The following ABCA3 variants were observed in gnomAD, a reference collection of about 807,000 sequenced individuals.
ABCA3 encodes phospholipid-transporting ATPase ABCA3.
In ABCA3, 88 loss-of-function variants were observed where a neutral mutation model predicts 172.8. The ratio of observed to expected loss-of-function variants is 0.51; its 90% CI spans 0.43 to 0.61. ABCA3 has a LOEUF of 0.61. Among genes scored for constraint, ABCA3 ranks in the 20% least tolerant of loss-of-function variants. ABCA3 has a pLI of 0.00. For missense variants in ABCA3, 2,164 were observed against 2,301.0 expected (o/e 0.94, Z 1.22); for synonymous variants, 1,066 against 983.8 (o/e 1.08, Z -1.56).
Position 2,286,995 on chromosome 16 carries a change from C to G in ABCA3, c.3005-28G>C, listed in dbSNP as rs772765845. On this transcript the variant is annotated intron_variant, in intron 21 of 32. Transcript: ENST00000301732. This position sits in a 1 kb window ranked among gnomAD's most constrained non-coding sequence, Gnocchi z 5.2. Reference sequence around the variant, plus strand: ...GGGGAGCAATGGCAGAGTCAGGGGACACAGGAAGAGGTGACACCTGGGCAC... The same window carrying G: ...GGGGAGCAATGGCAGAGTCAGGGGAGACAGGAAGAGGTGACACCTGGGCAC... 6.2e-7 allele frequency: 1 copy of G among 1,606,672 alleles called. No individual in the cohort carries two copies. The highest frequency in any genetic ancestry group is 1.1e-5 in the South Asian group (1 of 90,204).
rs753832074 is a variant in ABCA3 at position 2,277,837 on chromosome 16, C to A, written c.4909+42G>T. The A allele has an allele frequency of 1.2e-6, 2 of 1,605,944 alleles. No individual in the cohort carries two copies. The highest frequency in any genetic ancestry group is 1.1e-5 in the South Asian group (1 of 90,566). ...CAGATGGGAGAGGCCTAGGTAGGGG[C>A]CCAGGGCCCACCCAGTGGGGGCTGC... On this transcript the variant is annotated intron_variant, in intron 31 of 32. Coordinates refer to ENST00000301732, the MANE Select transcript of ABCA3 (RefSeq NM_001089.3). This position sits in a 1 kb window ranked among gnomAD's most constrained non-coding sequence, Gnocchi z 5.3.
In ABCA3 at chr16:2,281,693, G is replaced by A. The variant is rs1352226580; in HGVS notation, c.4036-184C>T. Among the ~76,000 whole-genome samples, 2 of 152,164 alleles carry A rather than the reference G, an allele frequency of 1.3e-5. No homozygotes were observed. The highest frequency in any genetic ancestry group is 2.9e-5 in the Non-Finnish European group (2 of 68,030). The stretch of plus-strand genomic sequence containing the variant: ...TTACTAGAAGACACAGTGGTCTTAC[G>A]GGGCTAAACTAGCATCCAGGAGACA... On this transcript the variant is annotated intron_variant, in intron 26 of 32. Transcript: ENST00000301732. This position sits in a 1 kb window ranked among gnomAD's most constrained non-coding sequence, Gnocchi z 4.7.
At position 2,278,325 on chromosome 16, in the gene ABCA3, G is replaced by A. The variant is rs780852398; in HGVS notation, c.4681C>T (p.Arg1561Ter). The A allele has an allele frequency of 5.0e-6, 8 of 1,610,646 alleles. No individual in the cohort carries two copies. The highest frequency in any genetic ancestry group is 5.1e-6 in the Non-Finnish European group (6 of 1,179,970). The change falls in exon 30 of 33, where the codon CGA (arginine) becomes TGA (stop). Residue 1561 changes from arginine (R) to a stop codon, truncating the protein, a stop_gained. Coordinates refer to ENST00000301732, the MANE Select transcript of ABCA3 (RefSeq NM_001089.3). LOFTEE classifies it high-confidence loss of function. The surrounding 1 kb of genome is among the most constrained non-coding windows in gnomAD (Gnocchi z 4.4). ...RLLWDTVARA[R>*]ESGKAIIITS... ...ATGATGATGGCCTTGCCAGACTCTC[G>A]GGCTCGTGCCACGGTGTCCCAAAGC...
At chr16:2,322,357 T>C (rs1444835673) in intron 7 of ABCA3, among the ~76,000 whole-genome samples, 1 of 152,018 alleles carries the variant, frequency 6.6e-6, no homozygotes, top group African/African-American at 2.4e-5. Context: ...CAAGAGTAAA[T>C]GTTCCTGAAA....
In ABCA3 at chr16:2,333,442, C is replaced by T. The variant is rs543348309; in HGVS notation, c.-538-3588G>A. Among the ~76,000 whole-genome samples the T allele has an allele frequency of 2.6e-5, 4 of 152,308 alleles. 1 individual carries two copies. In the South Asian group the frequency reaches 8.3e-4, roughly 32 times the overall value. On this transcript the variant is annotated intron_variant, in intron 1 of 32. Coordinates refer to ENST00000301732, the MANE Select transcript of ABCA3 (RefSeq NM_001089.3). ...GGTGCTGGTCACATTTGGTGCTTTT[C>T]CTTCAGGGGAGGACCCAACATCCCA...
intron 3 of ABCA3, among the ~76,000 whole-genome samples, chr16:2,327,861 C>T (rs2093736883): frequency 6.6e-6 from 1 of 152,182 alleles, no homozygotes; most frequent in Non-Finnish European, 1.5e-5. Context: ...ACTGGGATTA[C>T]AGGCGCCTGC....
At chr16:2,332,732 G>A in intron 1 of ABCA3, 1 of 1,176,750 alleles carries the variant, frequency 8.5e-7, no homozygotes, top group Non-Finnish European at 1.2e-6. Context: ...CGCACCGATT[G>A]CCTCCTCCAT....
chr16:2,327,169 C>A (rs769640339), intron 3 of ABCA3, among the ~76,000 whole-genome samples: 1 of 152,050 alleles, frequency 6.6e-6, no homozygotes, highest in South Asian at 2.1e-4. Context: ...GGCTGGAGTG[C>A]CATGGTGCGA....
intron 11 of ABCA3, among the ~76,000 whole-genome samples, chr16:2,307,246 A>G (rs916662938): frequency 1.3e-5 from 2 of 152,040 alleles, no homozygotes; most frequent in Non-Finnish European, 2.9e-5. Flanking sequence ...TACCAAGAGC[A>G]GTGGTTGATG....
At chr16:2,327,852 C>A (rs1034902663) in intron 3 of ABCA3, among the ~76,000 whole-genome samples, 2 of 152,192 alleles carry the variant, frequency 1.3e-5, no homozygotes, top group Non-Finnish European at 2.9e-5. Context: ...TCCTGAGTAA[C>A]TGGGATTACA....
At chr16:2,289,114 T>G (rs529506217) in intron 20 of ABCA3, 1 of 380,424 alleles carries the variant, frequency 2.6e-6, no homozygotes, top group South Asian at 3.4e-5. Context: ...GTTTCCCATC[T>G]GTGAACCGAG....
At chr16:2,328,282 C>T (rs1261294150) in intron 3 of ABCA3, among the ~76,000 whole-genome samples, 171 bp downstream of exon 3, 1 of 152,050 alleles carries the variant, frequency 6.6e-6, no homozygotes, top group Non-Finnish European at 1.5e-5. Context: ...GTAAACCCAG[C>T]ACTTTGGGAG....
At chr16:2,299,653 T>C in intron 13 of ABCA3, 121 bp from the exon 14 acceptor site, 1 of 1,499,492 alleles carries the variant, frequency 6.7e-7, no homozygotes, top group Non-Finnish European at 9.2e-7. Context: ...ACCATCAGTG[T>C]GCAGAGGGGA....
chr16:2,281,427 G>A lies in ABCA3; in HGVS notation c.4118C>T (p.Pro1373Leu), dbSNP rs762214425. The A allele has an allele frequency of 1.2e-5, 19 of 1,613,658 alleles. No homozygotes were observed. The East Asian group carries it at 1.8e-4, about 15-fold the overall frequency. The change falls in exon 27 of 33, where the codon CCG becomes CTG. Residue 1373 changes from proline (P) to leucine (L), a missense_variant. Physicochemically the swap from Pro to Leu is moderately conservative, Grantham distance 98. Coordinates refer to ENST00000301732, the MANE Select transcript of ABCA3 (RefSeq NM_001089.3). This position sits in a 1 kb window ranked among gnomAD's most constrained non-coding sequence, Gnocchi z 4.7. ...DERTRILAPS[P>L]DSLLHTPLII... is the part of the protein sequence containing the mutation. Reference sequence around the variant, plus strand: ...CAGAGGTGTGTGGAGCAGGGAGTCCGGACTGGGGGCCAGGATGCGGGTCCT... The same window carrying A: ...CAGAGGTGTGTGGAGCAGGGAGTCCAGACTGGGGGCCAGGATGCGGGTCCT...
At chr16:2,339,284 C>T (rs1363902354) in intron 1 of ABCA3, 3 of 152,168 alleles carry the variant, frequency 2.0e-5, no homozygotes, top group African/African-American at 7.2e-5. Context: ...TTAGAAACAA[C>T]TCGTGCTACC....
rs940226677 is a variant in ABCA3 at position 2,285,246 on chromosome 16, A to G, written c.3483+196T>C. On this transcript the variant is annotated intron_variant, in intron 23 of 32. Transcript: ENST00000301732. This position sits in a 1 kb window ranked among gnomAD's most constrained non-coding sequence, Gnocchi z 4.7. ...AGGATGGCTGCTCCGGGTGCTGCCC[A>G]TGCATGGAGGGTAAAGGCTGAGGGT... is the stretch of plus-strand genomic sequence containing the variant. 2.0e-5 allele frequency among the ~76,000 whole-genome samples: 3 copies of G among 152,088 alleles called. No individual in the cohort carries two copies. Among genetic ancestry groups the G allele is most frequent in the Admixed American group, 1.3e-4 (2 of 15,284 alleles).
intron 12 of ABCA3, among the ~76,000 whole-genome samples, chr16:2,302,866 G>A (rs2093691671): frequency 6.6e-6 from 1 of 151,176 alleles, no homozygotes; most frequent in Non-Finnish European, 1.5e-5. Context: ...TCAGCTCACT[G>A]CAACCTCCGC....
Position 2,286,803 on chromosome 16 carries a change from C to T in ABCA3, c.3169G>A (p.Val1057Met), listed in dbSNP as rs537267668. Residue 1057 changes from valine (V) to methionine (M), a missense_variant, in exon 22 of 33, where the codon GTG (valine) becomes ATG (methionine). Val to Met is a conservative substitution (Grantham distance 21). Coordinates refer to ENST00000301732, the MANE Select transcript of ABCA3 (RefSeq NM_001089.3). The surrounding 1 kb of genome is among the most constrained non-coding windows in gnomAD (Gnocchi z 5.2). ...AGCAGCTTGAACAGAAGGTTGTCCA[C>T]GACGGCCAGGGCAGTGGCTGGAGAG... ...YHSPATALAVVDNLLFKLLCG... is the reference protein window; with the variant it reads ...YHSPATALAVMDNLLFKLLCG... 37 of 1,614,170 alleles carry T rather than the reference C, an allele frequency of 2.3e-5. 1 individual carries two copies. The South Asian group carries it at 2.7e-4, about 12-fold the overall frequency.
At chr16:2,330,031 T>C (rs914205317) in intron 1 of ABCA3, among the ~76,000 whole-genome samples, 177 bp from the exon 2 acceptor site, 1 of 152,116 alleles carries the variant, frequency 6.6e-6, no homozygotes, top group Admixed American at 6.6e-5. Flanking sequence ...CGGTGGCTCA[T>C]GCCTGAACAA....
Sources: gnomAD v4.1 joint callset for allele counts (sites outside exome capture counted in the v4.1 genomes callset) on GRCh38, gnomAD v4.1.1 for gene constraint, Gnocchi (gnomAD v3.1) non-coding constraint, MANE v1.5 for transcripts, NCBI Gene and HGNC (gene_info 2026-07-23, HGNC 2026-07-21) for gene names.